The following GAS7 variants were observed in gnomAD, a reference collection of about 807,000 sequenced individuals.
The protein encoded by GAS7 is growth arrest-specific protein 7.
GAS7 carries 28 observed loss-of-function variants against 71.1 expected under a neutral mutation model. The observed-to-expected ratio is 0.39, with a 90% CI of 0.29 to 0.54. The LOEUF (loss-of-function observed/expected upper bound fraction) is 0.54, where lower values mean the gene tolerates loss of function less well. GAS7 is among the 20% of genes least tolerant of loss of function. GAS7 has a pLI of 0.62. For missense variants in GAS7, 436 were observed against 627.8 expected (o/e 0.69, Z 3.27); for synonymous variants, 258 against 245.8 (o/e 1.05, Z -0.46).
At chr17:10,118,196 G>A (rs542201826) in intron 1 of GAS7, among the ~76,000 whole-genome samples, 7 of 71,372 alleles carry the variant, frequency 9.8e-5, no homozygotes, top group African/African-American at 2.5e-4. Flanking sequence ...TAGAGATGGA[G>A]TAAACAGGGA....
At chr17:10,121,523 AG>A (rs2073904251) in intron 1 of GAS7, among the ~76,000 whole-genome samples, 1 of 152,208 alleles carries the variant, frequency 6.6e-6, no homozygotes, top group South Asian at 2.1e-4. Context: ...TGTGTCAAAC[AG>A]GCATAAGAAT....
At chr17:10,163,524 G>A (rs55812817) in intron 1 of GAS7, among the ~76,000 whole-genome samples, 2,869 of 151,856 alleles carry the variant, frequency 0.019, 90 homozygotes, top group African/African-American at 0.066. Flanking sequence ...ATGCTTGAGA[G>A]AGAAATACAG....
At chr17:9,993,000 A>G (rs1597632265) in intron 2 of GAS7, among the ~76,000 whole-genome samples, 2 of 151,940 alleles carry the variant, frequency 1.3e-5, no homozygotes, top group African/African-American at 4.8e-5. Context: ...AATCCAATCT[A>G]TCATTGTTGG....
intron 1 of GAS7, among the ~76,000 whole-genome samples, chr17:10,176,503 C>G (rs2074375101): frequency 6.6e-6 from 1 of 152,244 alleles, no homozygotes; most frequent in Non-Finnish European, 1.5e-5. Context: ...CCTGAATGGG[C>G]AGCAGAATGG....
intron 2 of GAS7, among the ~76,000 whole-genome samples, chr17:9,984,814 C>A (rs1236594872): frequency 6.6e-6 from 1 of 152,206 alleles, no homozygotes; most frequent in Admixed American, 6.5e-5. Context: ...ATAAAACAGA[C>A]AGACAAGCCC....
Position 9,918,081 on chromosome 17 carries a change from C to T in GAS7, c.1237G>A (p.Val413Met), listed in dbSNP as rs371596444. The T allele has an allele frequency of 4.1e-5, 66 of 1,613,458 alleles. No homozygotes were observed. The highest frequency in any genetic ancestry group is 5.0e-5 in the Non-Finnish European group (59 of 1,179,574). ...TGCCGGATCATCTCTACCCTCTCCA[C>T]CTCCAGCCGCTCTAGCTCCTGCCGA... ...TTTLELERLE[V>M]ERVEMIRQHL... Residue 413 changes from valine (V) to methionine (M), a missense_variant, in exon 13 of 14, where the codon GTG becomes ATG. Coordinates refer to ENST00000432992, the MANE Select transcript of GAS7 (RefSeq NM_201433.2).
chr17:10,056,176 T>C (rs1386288677), intron 1 of GAS7, among the ~76,000 whole-genome samples: 1 of 151,994 alleles, frequency 6.6e-6, no homozygotes, highest in Admixed American at 6.6e-5. Context: ...CTGGGCAACA[T>C]AGTGAGACCC....
chr17:10,141,780 T>G (rs2074083245), intron 1 of GAS7, among the ~76,000 whole-genome samples: 3 of 152,174 alleles, frequency 2.0e-5, no homozygotes, highest in Admixed American at 1.3e-4. Context: ...AATGCAACAC[T>G]GTGGAAAGGG....
intron 1 of GAS7, among the ~76,000 whole-genome samples, chr17:10,108,646 T>C (rs140489012): frequency 1.0e-3 from 156 of 152,240 alleles, no homozygotes; most frequent in African/African-American, 3.5e-3. Context: ...CGTAGACCAA[T>C]GGAACAGAAT....
chr17:10,006,316 CTTTTTTTTT>C (rs1168698479), intron 2 of GAS7, among the ~76,000 whole-genome samples: 1,596 of 65,408 alleles, frequency 0.024, 10 homozygotes, highest in South Asian at 0.047. Context: ...GCCCCAGATT[CTTTTTTTTT>C]TTTTTTTTTT....
intron 1 of GAS7, among the ~76,000 whole-genome samples, chr17:10,130,329 TAA>T (rs35108339): frequency 0.054 from 6,894 of 127,360 alleles, 267 homozygotes; most frequent in South Asian, 0.16. Flanking sequence ...AGCTATGATT[TAA>T]AAAAAAAAAA....
intron 4 of GAS7, among the ~76,000 whole-genome samples, chr17:9,962,723 A>C (rs2069547576): frequency 6.6e-6 from 1 of 152,248 alleles, no homozygotes; most frequent in Non-Finnish European, 1.5e-5. Flanking sequence ...GCCAGGGCAC[A>C]GGATACTCAC....
chr17:10,116,631 C>G (rs545752644), intron 1 of GAS7, among the ~76,000 whole-genome samples: 1 of 152,248 alleles, frequency 6.6e-6, no homozygotes, highest in African/African-American at 2.4e-5. Flanking sequence ...TAGAGGGCAG[C>G]TGGCAGAGAC....
rs984701056 is a variant in GAS7 at position 9,916,840 on chromosome 17, C to G, written c.*388G>C. 2 of 431,154 alleles carry G rather than the reference C, an allele frequency of 4.6e-6. No individual in the cohort carries two copies. Among genetic ancestry groups the G allele is most frequent in the Non-Finnish European group, 8.2e-6 (2 of 244,424 alleles). 26.7% of individuals were successfully genotyped at this position (431,154 alleles called of 1,614,324 possible). On this transcript the variant is annotated 3_prime_UTR_variant, in exon 14 of 14. Coordinates refer to ENST00000432992, the MANE Select transcript of GAS7 (RefSeq NM_201433.2). The stretch of plus-strand genomic sequence containing the variant: ...GAGACAGAGCCCTCCCTACCCTGAT[C>G]CTCCAAAGCCCTGGAGACAAGGGAG...
At chr17:9,956,801 C>T (rs1194205193) in intron 5 of GAS7, among the ~76,000 whole-genome samples, 2 of 152,216 alleles carry the variant, frequency 1.3e-5, no homozygotes, top group Admixed American at 6.5e-5. Context: ...AGCGGCTCAC[C>T]TCATCCCTAC....
chr17:10,041,586 T>G (rs2152228470), intron 1 of GAS7, among the ~76,000 whole-genome samples: 1 of 152,340 alleles, frequency 6.6e-6, no homozygotes, highest in Non-Finnish European at 1.5e-5. Flanking sequence ...TTCCCCAAAG[T>G]TAATCTCTCA....
At chr17:10,146,488 C>T (rs1354125137) in intron 1 of GAS7, among the ~76,000 whole-genome samples, 4 of 152,148 alleles carry the variant, frequency 2.6e-5, no homozygotes, top group Non-Finnish European at 4.4e-5. Flanking sequence ...ACCAGCAGCA[C>T]CAGAATCACC....
Position 9,914,039 on chromosome 17 carries a change from T to C in GAS7, c.*3189A>G. 1 of 229,414 alleles carries C rather than the reference T, an allele frequency of 4.4e-6. No homozygotes were observed. Among genetic ancestry groups the C allele is most frequent in the African/African-American group, 2.2e-5 (1 of 45,210 alleles). The allele number at this position is 229,414 out of a possible 1,614,324, so 14.2% of individuals were successfully genotyped here. On this transcript the variant is annotated 3_prime_UTR_variant, in exon 14 of 14. Transcript: ENST00000432992. ...AAACAAAACAACAACCCGGATAGCG[T>C]GCTTGCCTCTCCAAAGTGCAGTCTT...
chr17:10,119,342 T>G (rs1038667406), intron 1 of GAS7, among the ~76,000 whole-genome samples: 1 of 152,206 alleles, frequency 6.6e-6, no homozygotes. Context: ...CTTCATTAAG[T>G]AGTTACTGAG....
Sources: allele counts gnomAD v4.1 joint callset (sites outside exome capture counted in the v4.1 genomes callset), GRCh38; gene constraint gnomAD v4.1.1; transcripts MANE v1.5; gene names NCBI Gene and HGNC (gene_info 2026-07-23, HGNC 2026-07-21).